Variants in EXOC5 observed in about 807,000 individuals in gnomAD.
The protein encoded by EXOC5 is exocyst complex component 5.
In EXOC5, 17 loss-of-function variants were observed where a neutral mutation model predicts 90.8. The observed-to-expected ratio is 0.19, with a 90% CI of 0.13 to 0.28. The LOEUF is 0.28. EXOC5 is among the 10% of genes least tolerant of loss of function. The pLI, the probability that EXOC5 is intolerant of heterozygous loss-of-function variation, is 1.00. For missense variants in EXOC5, 569 were observed against 830.6 expected (o/e 0.69, Z 3.87); for synonymous variants, 260 against 270.0 (o/e 0.96, Z 0.36).
At chr14:57,223,243 T>C (rs1171093558) in intron 12 of EXOC5, among the ~76,000 whole-genome samples, 3 of 152,156 alleles carry the variant, frequency 2.0e-5, no homozygotes, top group African/African-American at 4.8e-5. Context: ...TTATTAGTTA[T>C]GCTGGGAAAA....
intron 1 of EXOC5, among the ~76,000 whole-genome samples, chr14:57,254,046 T>C (rs1273152323): frequency 3.3e-5 from 5 of 152,110 alleles, no homozygotes; most frequent in African/African-American, 1.2e-4. Flanking sequence ...ACTCCTAAAA[T>C]TTAATAAAAA....
At chr14:57,264,507 G>GA (rs991427925) in intron 1 of EXOC5, among the ~76,000 whole-genome samples, 16 of 150,096 alleles carry the variant, frequency 1.1e-4, no homozygotes, top group South Asian at 4.2e-4. Flanking sequence ...TTTACAGAAA[G>GA]AAAAAAAAAT....
chr14:57,219,795 T>C (rs370754920), intron 13 of EXOC5, among the ~76,000 whole-genome samples: 9 of 152,280 alleles, frequency 5.9e-5, no homozygotes, highest in African/African-American at 1.9e-4. Flanking sequence ...CTTTACCTTT[T>C]ATCCTAGATA....
chr14:57,207,350 A>C lies in EXOC5; in HGVS notation c.*1259T>G, dbSNP rs1385676746. 3 of 152,482 alleles carry C rather than the reference A, an allele frequency of 2.0e-5. No homozygotes were observed. Among genetic ancestry groups the C allele is most frequent in the South Asian group, 2.1e-4 (1 of 4,826 alleles). 9.4% of individuals were successfully genotyped at this position (152,482 alleles called of 1,614,324 possible). A position where few individuals can be genotyped will look rare whatever the true frequency, so the allele number is the denominator to read the frequency against. On this transcript the variant is annotated 3_prime_UTR_variant, in exon 18 of 18. Transcript: ENST00000621441. ...TTTATCTGTTCCTAGAAGACTATGAACACCACAATGGGAGCTGAAACACTA... is the reference window on the plus strand; with the variant it reads ...TTTATCTGTTCCTAGAAGACTATGACCACCACAATGGGAGCTGAAACACTA...
chr14:57,267,358 A>G (rs1279223342), intron 1 of EXOC5, among the ~76,000 whole-genome samples: 1 of 152,140 alleles, frequency 6.6e-6, no homozygotes, highest in Non-Finnish European at 1.5e-5. Context: ...TACTCCTCTC[A>G]AAAAAAGCAT....
chr14:57,218,184 C>A lies in EXOC5; in HGVS notation c.1527-116G>T, dbSNP rs1883027019. The A allele has an allele frequency of 5.6e-6, 3 of 537,716 alleles. No individual in the cohort carries two copies. In the South Asian group the frequency reaches 9.4e-5, roughly 17 times the overall value. The allele number at this position is 537,716 out of a possible 1,614,324, so 33.3% of individuals were successfully genotyped here. A position where few individuals can be genotyped will look rare whatever the true frequency, so the allele number is the denominator to read the frequency against. On this transcript the variant is annotated intron_variant, in intron 14 of 17. Coordinates refer to ENST00000621441, the MANE Select transcript of EXOC5 (RefSeq NM_006544.4). ...ACATTTATAAATATATCCATATATA[C>A]ACATTAATATTGTTAACAAATCCAA... is the stretch of plus-strand genomic sequence containing the variant.
chr14:57,223,240 T>G (rs1454350419), intron 12 of EXOC5, among the ~76,000 whole-genome samples: 2 of 152,128 alleles, frequency 1.3e-5, no homozygotes, highest in Non-Finnish European at 2.9e-5. Context: ...AAATTATTAG[T>G]TATGCTGGGA....
In EXOC5 at chr14:57,205,001, A is replaced by G. The variant is rs990824775; in HGVS notation, c.*3608T>C. The G allele has an allele frequency of 3.2e-4, 49 of 152,104 alleles. No individual in the cohort carries two copies. Among genetic ancestry groups the G allele is most frequent in the African/African-American group, 1.1e-3 (45 of 41,552 alleles). 9.4% of individuals were successfully genotyped at this position (152,104 alleles called of 1,614,324 possible). On this transcript the variant is annotated 3_prime_UTR_variant, in exon 18 of 18. Transcript: ENST00000621441. Reference sequence around the variant, plus strand: ...TGAGTGAGAAAAGATTTAGGTTTCAATCTGAGCATTTTACTAGCTGTAGAC... The same window carrying G: ...TGAGTGAGAAAAGATTTAGGTTTCAGTCTGAGCATTTTACTAGCTGTAGAC...
At chr14:57,254,796 T>C (rs1884300122) in intron 1 of EXOC5, among the ~76,000 whole-genome samples, 1 of 152,166 alleles carries the variant, frequency 6.6e-6, no homozygotes, top group African/African-American at 2.4e-5. Context: ...AGAGATTACG[T>C]GAGCACAAAG....
chr14:57,242,843 C>A lies in EXOC5; in HGVS notation c.465+1322G>T, dbSNP rs543974924. On this transcript the variant is annotated intron_variant, in intron 4 of 17. Coordinates refer to ENST00000621441, the MANE Select transcript of EXOC5 (RefSeq NM_006544.4). The stretch of plus-strand genomic sequence containing the variant: ...TTCAACTGCAAAGATATGGAACCAA[C>A]CTAAGTGCCCATCAACCAACGAGCA... 2.6e-5 allele frequency among the ~76,000 whole-genome samples: 4 copies of A among 152,284 alleles called. No individual in the cohort carries two copies. In the South Asian group the frequency reaches 8.3e-4, roughly 32 times the overall value.
chr14:57,239,749 G>T (rs972212666), intron 4 of EXOC5, 90 bp from the exon 5 acceptor site: 6 of 738,996 alleles, frequency 8.1e-6, no homozygotes, highest in Non-Finnish European at 1.1e-5. Context: ...ATATCTCCCT[G>T]CATGTGCCCA....
At chr14:57,209,917 T>C in intron 16 of EXOC5, 36 bp downstream of exon 16, 1 of 1,255,912 alleles carries the variant, frequency 8.0e-7, no homozygotes, top group Non-Finnish European at 1.1e-6. Context: ...ATGAAAATGT[T>C]AACAAAGTAT....
intron 13 of EXOC5, among the ~76,000 whole-genome samples, chr14:57,221,767 G>A (rs1489163440): frequency 6.6e-6 from 1 of 152,074 alleles, no homozygotes; most frequent in Non-Finnish European, 1.5e-5. Context: ...AGGTTTAGAG[G>A]GAAGATAAAG....
intron 10 of EXOC5, 30 bp downstream of exon 10, chr14:57,232,637 T>A (rs1360288696): frequency 1.1e-6 from 1 of 925,418 alleles, no homozygotes; most frequent in Non-Finnish European, 1.7e-6. Context: ...AAATCTGTTA[T>A]CTATTATTTT....
At chr14:57,232,494 A>G in intron 10 of EXOC5, 173 bp downstream of exon 10, 1 of 378,774 alleles carries the variant, frequency 2.6e-6, no homozygotes, top group Non-Finnish European at 4.7e-6. Context: ...ATGTATTAAG[A>G]ATGTTGTACA....
intron 15 of EXOC5, among the ~76,000 whole-genome samples, chr14:57,216,244 C>A (rs1882968887): frequency 6.7e-6 from 1 of 149,044 alleles, no homozygotes; most frequent in Non-Finnish European, 1.5e-5. Flanking sequence ...AATGCATTCC[C>A]AATCAAAATT....
chr14:57,256,634 C>G (rs914369006), intron 1 of EXOC5, among the ~76,000 whole-genome samples: 3 of 152,176 alleles, frequency 2.0e-5, no homozygotes, highest in African/African-American at 7.2e-5. Flanking sequence ...CCAGATTGCC[C>G]TTCAAGAAGG....
chr14:57,261,883 C>T (rs1884512698), intron 1 of EXOC5, among the ~76,000 whole-genome samples: 1 of 152,118 alleles, frequency 6.6e-6, no homozygotes, highest in South Asian at 2.1e-4. Flanking sequence ...CAAATCACTA[C>T]ATAGCATCAC....
At chr14:57,228,253 T>G (rs910935765) in intron 12 of EXOC5, among the ~76,000 whole-genome samples, 1 of 152,124 alleles carries the variant, frequency 6.6e-6, no homozygotes, top group Non-Finnish European at 1.5e-5. Context: ...ACACTGCTGG[T>G]GGGAGTGTAA....
Sources: gnomAD v4.1 joint callset for allele counts (sites outside exome capture counted in the v4.1 genomes callset) on GRCh38, gnomAD v4.1.1 for gene constraint, MANE v1.5 for transcripts, NCBI Gene and HGNC (gene_info 2026-07-23, HGNC 2026-07-21) for gene names.